SLC26A7: variants seen among roughly 807,000 people sequenced by gnomAD.
SLC26A7 encodes solute carrier family 26 member 7, also known as anion exchange transporter.
In SLC26A7, 59 loss-of-function variants were observed where a neutral mutation model predicts 82.5. The observed-to-expected ratio is 0.72, with a 90% CI of 0.58 to 0.89. SLC26A7 has a LOEUF of 0.89. Among genes scored for constraint, SLC26A7 ranks in the 40% least tolerant of loss-of-function variants. The pLI is 0.00. For missense variants in SLC26A7, 820 were observed against 793.0 expected (o/e 1.03, Z -0.41); for synonymous variants, 271 against 274.3 (o/e 0.99, Z 0.12).
At chr8:91,339,421 C>T (rs1813337415) in intron 7 of SLC26A7, among the ~76,000 whole-genome samples, 1 of 152,042 alleles carries the variant, frequency 6.6e-6, no homozygotes. Context: ...TCCAGCTCTG[C>T]CATTCACCTT....
chr8:91,368,174 C>T (rs1040315544), intron 14 of SLC26A7, among the ~76,000 whole-genome samples: 3 of 152,098 alleles, frequency 2.0e-5, no homozygotes, highest in Non-Finnish European at 4.4e-5. Context: ...ATCAAGGGTA[C>T]CTACAATCAA....
chr8:91,223,385 T>C (rs530083216), intron 2 of SLC26A7, among the ~76,000 whole-genome samples: 5 of 152,322 alleles, frequency 3.3e-5, no homozygotes, highest in South Asian at 4.1e-4. Flanking sequence ...TTTGGATTAG[T>C]TTGCTCTTGC....
chr8:91,265,633 C>T (rs1441039362), intron 2 of SLC26A7, among the ~76,000 whole-genome samples: 1 of 151,984 alleles, frequency 6.6e-6, no homozygotes, highest in Non-Finnish European at 1.5e-5. Flanking sequence ...TTACATTTCC[C>T]TGAAAATCAC....
chr8:91,356,177 C>T (rs547098569), intron 11 of SLC26A7, among the ~76,000 whole-genome samples: 23 of 151,302 alleles, frequency 1.5e-4, no homozygotes, highest in South Asian at 1.0e-3. Flanking sequence ...TGAATAGTGC[C>T]GCAATAAACA....
chr8:91,280,576 T>C (rs561497411), intron 2 of SLC26A7, among the ~76,000 whole-genome samples: 1 of 152,220 alleles, frequency 6.6e-6, no homozygotes, highest in African/African-American at 2.4e-5. Flanking sequence ...GCTCTCTCTC[T>C]TGTCAAAGTC....
intron 2 of SLC26A7, among the ~76,000 whole-genome samples, chr8:91,256,286 T>C (rs995327826): frequency 6.6e-6 from 1 of 152,112 alleles, no homozygotes; most frequent in Non-Finnish European, 1.5e-5. Flanking sequence ...GAGCAGGATC[T>C]AGCCATAGTT....
At chr8:91,214,419 C>A (rs1301901446) in intron 1 of SLC26A7, among the ~76,000 whole-genome samples, 1 of 152,286 alleles carries the variant, frequency 6.6e-6, no homozygotes. Context: ...AACATGTGCA[C>A]TTTCCAACAA....
chr8:91,216,093 T>C (rs1276840383), intron 1 of SLC26A7, among the ~76,000 whole-genome samples: 5 of 152,168 alleles, frequency 3.3e-5, no homozygotes, highest in Non-Finnish European at 7.4e-5. Flanking sequence ...AAATATTGTA[T>C]AAGAAATAGA....
chr8:91,249,447 T>C, intron 1 of SLC26A7, 34 bp downstream of exon 1: 1 of 392,898 alleles, frequency 2.5e-6, no homozygotes, highest in East Asian at 3.7e-5. Flanking sequence ...CTAGAATAAT[T>C]AGCTGTATCA....
intron 14 of SLC26A7, among the ~76,000 whole-genome samples, chr8:91,367,451 T>C (rs1814228476): frequency 6.6e-6 from 1 of 152,240 alleles, no homozygotes; most frequent in Non-Finnish European, 1.5e-5. Context: ...TTATCTCCAT[T>C]TATACTGTCA....
At chr8:91,262,165 G>T (rs1169655272) in intron 2 of SLC26A7, among the ~76,000 whole-genome samples, 1 of 152,038 alleles carries the variant, frequency 6.6e-6, no homozygotes, top group Non-Finnish European at 1.5e-5. Context: ...ATAGAATCAA[G>T]ACATTGCCAA....
intron 4 of SLC26A7, among the ~76,000 whole-genome samples, chr8:91,299,664 T>G (rs765595498): frequency 5.9e-5 from 9 of 152,208 alleles, no homozygotes; most frequent in Middle Eastern, 3.2e-3. Flanking sequence ...TTCTTGTGAC[T>G]GTAGCACCCT....
In SLC26A7 at chr8:91,396,784, T is replaced by A. The variant is rs187377749; in HGVS notation, c.*1687T>A. On this transcript the variant is annotated 3_prime_UTR_variant, in exon 19 of 19. Coordinates refer to ENST00000276609, the MANE Select transcript of SLC26A7 (RefSeq NM_052832.4). ...TAAAGTTTCCTTAGAGAAAATAATT[T>A]TATTCTGCTTTGTCCAATTAAATTA... The A allele has an allele frequency of 3.9e-5, 6 of 152,194 alleles. No individual in the cohort carries two copies. In the East Asian group the frequency reaches 1.2e-3, roughly 29 times the overall value. The allele number at this position is 152,194 out of a possible 1,614,324, so 9.4% of individuals were successfully genotyped here.
rs999090548 is a variant in SLC26A7, at chr8:91,216,614, T to A, written c.-149-2276T>A. Among the ~76,000 whole-genome samples, 13 of 152,124 alleles carry A rather than the reference T, an allele frequency of 8.5e-5. 1 individual carries two copies. Among genetic ancestry groups the A allele is most frequent in the African/African-American group, 3.1e-4 (13 of 41,442 alleles). ...ACAGAAGTAGGCAGGATTAACTGGT[T>A]GGGTGAGACGGTTGTCTAGTATATG... On this transcript the variant is annotated intron_variant, in intron 1 of 5. Coordinates refer to the SLC26A7 transcript ENST00000522862.
intron 2 of SLC26A7, among the ~76,000 whole-genome samples, chr8:91,239,598 T>C (rs1222562550): frequency 6.6e-6 from 1 of 152,028 alleles, no homozygotes; most frequent in Non-Finnish European, 1.5e-5. Context: ...TCACACACAC[T>C]ATGTTGTTGT....
chr8:91,347,900 T>C (rs947582073), intron 9 of SLC26A7, among the ~76,000 whole-genome samples: 3 of 152,208 alleles, frequency 2.0e-5, no homozygotes, highest in Non-Finnish European at 4.4e-5. Context: ...CATTTCTTCC[T>C]TTTCTCCTTC....
At chr8:91,367,855 A>C (rs1020305232) in intron 14 of SLC26A7, among the ~76,000 whole-genome samples, 1 of 152,182 alleles carries the variant, frequency 6.6e-6, no homozygotes, top group African/African-American at 2.4e-5. Flanking sequence ...AGGTACACAG[A>C]AGATCTTGAC....
chr8:91,369,837 A>G lies in SLC26A7; in HGVS notation c.1675+4A>G. ...CTATCCAATGGCAACTGCAATGGTG[A>G]GTTAGCTTTAAGGAAAAAGAAAATC... On this transcript the variant is annotated splice_donor_region_variant and intron_variant, in intron 15 of 18. Transcript: ENST00000276609. 1.2e-6 allele frequency: 2 copies of G among 1,603,404 alleles called. No homozygotes were observed. Among genetic ancestry groups the G allele is most frequent in the Non-Finnish European group, 1.7e-6 (2 of 1,174,068 alleles).
chr8:91,269,894 C>G (rs772036193), intron 2 of SLC26A7, among the ~76,000 whole-genome samples: 2 of 150,484 alleles, frequency 1.3e-5, no homozygotes, highest in Admixed American at 6.6e-5. Context: ...AGATTTTCAG[C>G]TTAGTTATTG....
Sources: allele counts gnomAD v4.1 joint callset (sites outside exome capture counted in the v4.1 genomes callset), GRCh38; gene constraint gnomAD v4.1.1; transcripts MANE v1.5; gene names NCBI Gene and HGNC (gene_info 2026-07-23, HGNC 2026-07-21).